Variants in CTTNBP2NL observed in about 807,000 individuals in gnomAD.
CTTNBP2NL encodes CTTNBP2 N-terminal like, also known as CTTNBP2 N-terminal-like protein.
In CTTNBP2NL, 16 loss-of-function variants were observed where a neutral mutation model predicts 32.5. That is an observed-to-expected ratio of 0.49 (90% CI 0.33 to 0.75). The LOEUF (loss-of-function observed/expected upper bound fraction) is 0.75, where lower values mean the gene tolerates loss of function less well. CTTNBP2NL is among the 30% of genes least tolerant of loss of function. CTTNBP2NL has a pLI of 0.02. For synonymous variants in CTTNBP2NL, 298 were observed against 289.4 expected, an observed-to-expected ratio of 1.03 and a Z score of -0.30; for missense variants, 645 against 756.0, an observed-to-expected ratio of 0.85 and a Z score of 1.72.
At chr1:112,408,824 T>C (rs1648766390) in intron 1 of CTTNBP2NL, among the ~76,000 whole-genome samples, 1 of 152,080 alleles carries the variant, frequency 6.6e-6, no homozygotes, top group Non-Finnish European at 1.5e-5. Flanking sequence ...TTGGCTTATA[T>C]GTATTGAAAG....
chr1:112,424,978 G>T (rs1649349242), intron 3 of CTTNBP2NL, among the ~76,000 whole-genome samples: 1 of 150,494 alleles, frequency 6.6e-6, no homozygotes, highest in African/African-American at 2.5e-5. Flanking sequence ...ACAACGCCCA[G>T]CTAAATTTTT....
chr1:112,398,391 G>A (rs1051221303), intron 1 of CTTNBP2NL, among the ~76,000 whole-genome samples: 1 of 152,062 alleles, frequency 6.6e-6, no homozygotes, highest in African/African-American at 2.4e-5. Flanking sequence ...TTCTTTGAGG[G>A]CAGATAGTAG....
chr1:112,422,455 A>T (rs147467184), intron 3 of CTTNBP2NL, among the ~76,000 whole-genome samples: 1 of 152,352 alleles, frequency 6.6e-6, no homozygotes, highest in East Asian at 1.9e-4. Context: ...GTGAACATTC[A>T]TGTACAAGGC....
At chr1:112,402,194 G>C (rs1467409127) in intron 1 of CTTNBP2NL, among the ~76,000 whole-genome samples, 3 of 152,102 alleles carry the variant, frequency 2.0e-5, no homozygotes, top group African/African-American at 7.2e-5. Context: ...TGAGGCAGGT[G>C]GATCACCTGA....
At chr1:112,448,297 A>G (rs1039156470) in intron 3 of CTTNBP2NL, among the ~76,000 whole-genome samples, 1 of 152,204 alleles carries the variant, frequency 6.6e-6, no homozygotes, top group African/African-American at 2.4e-5. Flanking sequence ...ATCCTCCTTG[A>G]CCCATCAACA....
intron 1 of CTTNBP2NL, among the ~76,000 whole-genome samples, chr1:112,401,872 C>T (rs965996109): frequency 2.6e-5 from 4 of 152,158 alleles, no homozygotes; most frequent in African/African-American, 9.7e-5. Context: ...TTAATGAATC[C>T]TTTCTGACTT....
chr1:112,447,334 C>T (rs986993517), intron 3 of CTTNBP2NL, among the ~76,000 whole-genome samples: 2 of 151,262 alleles, frequency 1.3e-5, no homozygotes, highest in Non-Finnish European at 2.9e-5. Context: ...TTTATACCTC[C>T]CCCACTTTTA....
intron 3 of CTTNBP2NL, among the ~76,000 whole-genome samples, chr1:112,423,500 A>G (rs1649293469): frequency 6.6e-6 from 1 of 152,144 alleles, no homozygotes; most frequent in East Asian, 1.9e-4. Context: ...TATCAGTTAA[A>G]AAATAAATTT....
chr1:112,455,923 T>TG lies in CTTNBP2NL; in HGVS notation c.439-8_439-7insG. The TG allele has an allele frequency of 6.4e-7, 1 of 1,574,780 alleles. No homozygotes were observed. On this transcript the variant is annotated splice_polypyrimidine_tract_variant and splice_region_variant and intron_variant, in intron 5 of 5. Transcript: ENST00000271277. Reference sequence around the variant, plus strand: ...GTCAGTATGTCTCTCTTTTCTTTTTTTTTCTAGTTGGAATTTGAAAAATCC... The same window carrying TG: ...GTCAGTATGTCTCTCTTTTCTTTTTTGTTTCTAGTTGGAATTTGAAAAATCC...
chr1:112,427,694 G>A (rs531554265), intron 3 of CTTNBP2NL, among the ~76,000 whole-genome samples: 3 of 152,208 alleles, frequency 2.0e-5, no homozygotes, highest in Admixed American at 6.5e-5. Context: ...AGGAGATCGA[G>A]ACCATCCTGG....
intron 1 of CTTNBP2NL, among the ~76,000 whole-genome samples, chr1:112,404,719 A>G (rs1013639079): frequency 6.6e-6 from 1 of 152,254 alleles, no homozygotes; most frequent in Non-Finnish European, 1.5e-5. Context: ...TCATGTTACA[A>G]TTTCATTTAA....
chr1:112,425,058 G>A (rs1037239125), intron 3 of CTTNBP2NL, among the ~76,000 whole-genome samples: 8 of 151,358 alleles, frequency 5.3e-5, no homozygotes, highest in African/African-American at 1.9e-4. Context: ...TCCTGGCCTG[G>A]ACCCAAGTGA....
At position 112,432,753 on chromosome 1, in the gene CTTNBP2NL, T is replaced by TAA. The variant is rs77485849; in HGVS notation, c.100-16174_100-16173dup. Reference sequence around the variant, plus strand: ...TGTTTGAAACTTTCCATTCTATATTTAAAAAAAAAAAAAAAACCTTCTCAA... The same window carrying TAA: ...TGTTTGAAACTTTCCATTCTATATTTAAAAAAAAAAAAAAAAAACCTTCTCAA... On this transcript the variant is annotated intron_variant, in intron 3 of 5. Transcript: ENST00000271277. Among the ~76,000 whole-genome samples, 491 of 136,200 alleles carry TAA rather than the reference T, an allele frequency of 3.6e-3. 3 individuals are homozygous for TAA. Among genetic ancestry groups the TAA allele is most frequent in the African/African-American group, 0.012 (458 of 37,694 alleles). 89.4% of individuals were successfully genotyped at this position (136,200 alleles called of 152,430 possible).
At chr1:112,420,296 C>T (rs1451628955) in intron 3 of CTTNBP2NL, among the ~76,000 whole-genome samples, 1 of 151,950 alleles carries the variant, frequency 6.6e-6, no homozygotes, top group African/African-American at 2.4e-5. Flanking sequence ...AGGCGTGCGC[C>T]ACCACACCCA....
intron 1 of CTTNBP2NL, among the ~76,000 whole-genome samples, chr1:112,407,840 C>CTT (rs869134559): frequency 0.013 from 1,206 of 95,972 alleles, 32 homozygotes; most frequent in African/African-American, 0.017. Flanking sequence ...TTTTTTCTTT[C>CTT]TTTTTTTTTT....
intron 1 of CTTNBP2NL, among the ~76,000 whole-genome samples, chr1:112,406,488 A>G (rs1470166982): frequency 1.3e-5 from 2 of 152,200 alleles, no homozygotes; most frequent in Admixed American, 6.5e-5. Flanking sequence ...TTTAGCCTCT[A>G]TGCCTCAGGT....
At chr1:112,391,224 G>A (rs1001512251), upstream of CTTNBP2NL, among the ~76,000 whole-genome samples, 2 of 152,230 alleles carry the variant, frequency 1.3e-5, no homozygotes, top group African/African-American at 4.8e-5. Flanking sequence ...CCGGGGCTTG[G>A]AGAGCCCTCT....
intron 1 of CTTNBP2NL, among the ~76,000 whole-genome samples, chr1:112,403,521 GT>G (rs1648567176): frequency 6.6e-6 from 1 of 152,188 alleles, no homozygotes; most frequent in Non-Finnish European, 1.5e-5. Flanking sequence ...ATGAATTGAT[GT>G]AATAGAATGT....
At position 112,445,264 on chromosome 1, in the gene CTTNBP2NL, AT is replaced by A. The variant is rs912602737; in HGVS notation, c.100-3669del. ...ATTCCTGACCCTCCAAAACTGTGAG[AT>A]TTTTTTTTAATGTTTATTATTTAGG... On this transcript the variant is annotated intron_variant, in intron 3 of 5. Coordinates refer to ENST00000271277, the MANE Select transcript of CTTNBP2NL (RefSeq NM_018704.3). 5.9e-3 allele frequency among the ~76,000 whole-genome samples: 891 copies of A among 151,612 alleles called. 6 individuals carry two copies. The highest frequency in any genetic ancestry group is 0.02 in the African/African-American group (830 of 41,336).
Sources: allele counts gnomAD v4.1 joint callset (sites outside exome capture counted in the v4.1 genomes callset), GRCh38; gene constraint gnomAD v4.1.1; transcripts MANE v1.5; gene names NCBI Gene and HGNC (gene_info 2026-07-23, HGNC 2026-07-21).